Variants in ZBTB20 observed in about 807,000 individuals in gnomAD.
The protein encoded by ZBTB20 is zinc finger and BTB domain containing 20.
A neutral mutation model predicts 56.9 loss-of-function variants in ZBTB20; 9 were observed. That is an observed-to-expected ratio of 0.16 (90% CI 0.10 to 0.28). The LOEUF is 0.28. Among genes scored for constraint, ZBTB20 ranks in the 10% least tolerant of loss-of-function variants. The pLI, the probability that ZBTB20 is intolerant of heterozygous loss-of-function variation, is 1.00. For missense variants in ZBTB20, 655 were observed against 1,003.0 expected (o/e 0.65, Z 4.69); for synonymous variants, 417 against 420.7 (o/e 0.99, Z 0.11).
At chr3:114,563,552 G>T (rs998006642) in intron 6 of ZBTB20, among the ~76,000 whole-genome samples, 1 of 152,034 alleles carries the variant, frequency 6.6e-6, no homozygotes, top group African/African-American at 2.4e-5. Flanking sequence ...TAAACCTAAG[G>T]TAAGTAATCA....
intron 2 of ZBTB20, among the ~76,000 whole-genome samples, chr3:115,060,834 T>G (rs1027371085): frequency 1.5e-4 from 23 of 152,160 alleles, no homozygotes; most frequent in African/African-American, 5.5e-4. Context: ...ATGAGATTAG[T>G]ATGACATGAC....
intron 4 of ZBTB20, among the ~76,000 whole-genome samples, chr3:114,841,240 C>T (rs1039922916): frequency 6.6e-6 from 1 of 152,082 alleles, no homozygotes; most frequent in South Asian, 2.1e-4. Context: ...TAAATTGAGA[C>T]TTGCAAGATT....
intron 2 of ZBTB20, among the ~76,000 whole-genome samples, chr3:115,070,116 T>C (rs985121279): frequency 6.6e-6 from 1 of 152,134 alleles, no homozygotes; most frequent in Admixed American, 6.6e-5. Context: ...TTGGTTTATT[T>C]AAACTCAATG....
chr3:114,879,988 A>C (rs2076339479), intron 4 of ZBTB20, among the ~76,000 whole-genome samples: 1 of 152,176 alleles, frequency 6.6e-6, no homozygotes, highest in Admixed American at 6.6e-5. Context: ...TAAATATTTG[A>C]TTTTTTAAAA....
At chr3:115,099,124 T>A (rs1283883733) in intron 1 of ZBTB20, among the ~76,000 whole-genome samples, 2 of 152,128 alleles carry the variant, frequency 1.3e-5, no homozygotes, top group Non-Finnish European at 2.9e-5. Context: ...CAACAATGTC[T>A]GCTAGTTTGA....
intron 5 of ZBTB20, among the ~76,000 whole-genome samples, chr3:114,763,398 T>G (rs924178412): frequency 2.6e-5 from 4 of 152,194 alleles, no homozygotes; most frequent in African/African-American, 9.6e-5. Flanking sequence ...AATTTAATGC[T>G]TTTCTATGTC....
At chr3:114,393,107 T>C (rs1381831012) in intron 7 of ZBTB20, among the ~76,000 whole-genome samples, 2 of 152,234 alleles carry the variant, frequency 1.3e-5, no homozygotes, top group Admixed American at 6.5e-5. Flanking sequence ...ATGCTACGCA[T>C]TGAGACATCC....
chr3:114,380,119 T>C (rs2084133140), intron 10 of ZBTB20, 98 bp downstream of exon 10: 5 of 1,285,448 alleles, frequency 3.9e-6, no homozygotes. Context: ...GAAGACCAAA[T>C]GCAAAGAGCT....
intron 7 of ZBTB20, among the ~76,000 whole-genome samples, chr3:114,485,432 T>C (rs1049162397): frequency 6.6e-6 from 1 of 152,350 alleles, no homozygotes; most frequent in African/African-American, 2.4e-5. Context: ...TGCATCCATA[T>C]TGGGGGTTAC....
intron 6 of ZBTB20, among the ~76,000 whole-genome samples, chr3:114,690,388 G>A (rs975268993): frequency 2.0e-5 from 3 of 152,062 alleles, no homozygotes; most frequent in African/African-American, 4.8e-5. Context: ...TTTCTGATGC[G>A]TGTAATACAC....
chr3:115,104,211 G>A (rs1339283298), intron 1 of ZBTB20, among the ~76,000 whole-genome samples: 1 of 152,164 alleles, frequency 6.6e-6, no homozygotes, highest in Non-Finnish European at 1.5e-5. Flanking sequence ...AAATGATGAT[G>A]CGGATGTGGA....
At chr3:114,472,922 T>G (rs917606419) in intron 7 of ZBTB20, among the ~76,000 whole-genome samples, 15 of 152,142 alleles carry the variant, frequency 9.9e-5, no homozygotes, top group African/African-American at 3.6e-4. Context: ...ATTAAGGAAA[T>G]AGCTCACCTG....
At chr3:114,775,888 A>G (rs2069567921) in intron 5 of ZBTB20, among the ~76,000 whole-genome samples, 1 of 152,192 alleles carries the variant, frequency 6.6e-6, no homozygotes, top group Non-Finnish European at 1.5e-5. Flanking sequence ...CTTTAGGATT[A>G]GGATGGAAAT....
Position 115,084,573 on chromosome 3 carries a change from A to T in ZBTB20, c.-702-13159T>A, listed in dbSNP as rs971381450. 3.9e-5 allele frequency among the ~76,000 whole-genome samples: 6 copies of T among 151,986 alleles called. No individual in the cohort carries two copies. The East Asian group carries it at 1.2e-3, about 29-fold the overall frequency. ...GGAAAAATATGAGATTTGTTTTTTT[A>T]AAAGATTAATTTATATTAACATCTT... On this transcript the variant is annotated intron_variant, in intron 1 of 11. Transcript: ENST00000675478.
chr3:114,554,166 C>T (rs1346467942), intron 6 of ZBTB20, among the ~76,000 whole-genome samples: 3 of 152,162 alleles, frequency 2.0e-5, no homozygotes, highest in Non-Finnish European at 4.4e-5. Flanking sequence ...ATTTTCATTA[C>T]TCTGTTTCTT....
intron 4 of ZBTB20, among the ~76,000 whole-genome samples, chr3:114,859,130 C>T (rs955089820): frequency 8.9e-6 from 1 of 112,412 alleles, no homozygotes; most frequent in Non-Finnish European, 1.8e-5. Context: ...TTCACAAGAG[C>T]ATTTCACATG....
intron 1 of ZBTB20, among the ~76,000 whole-genome samples, chr3:115,085,912 C>T (rs2082968687): frequency 6.6e-6 from 1 of 151,666 alleles, no homozygotes; most frequent in African/African-American, 2.4e-5. Flanking sequence ...TAATGTAATC[C>T]CATCTCCCTT....
At chr3:114,495,482 C>CAG (rs1248544380) in intron 7 of ZBTB20, among the ~76,000 whole-genome samples, 21 of 152,030 alleles carry the variant, frequency 1.4e-4, no homozygotes, top group African/African-American at 5.1e-4. Flanking sequence ...CACACAGTCT[C>CAG]TCTCTCTCTT....
chr3:114,637,799 C>A (rs2059355598), intron 6 of ZBTB20, among the ~76,000 whole-genome samples: 1 of 152,030 alleles, frequency 6.6e-6, no homozygotes, highest in Non-Finnish European at 1.5e-5. Context: ...TGCTTTTAAG[C>A]TTTTATTCTT....
Sources: allele counts gnomAD v4.1 joint callset (sites outside exome capture counted in the v4.1 genomes callset), GRCh38; gene constraint gnomAD v4.1.1; transcripts MANE v1.5; gene names NCBI Gene and HGNC (gene_info 2026-07-23, HGNC 2026-07-21).